The following NCOA6 variants were observed in gnomAD, a reference collection of about 807,000 sequenced individuals.
The protein encoded by NCOA6 is NRC RAP250.
In NCOA6, 49 loss-of-function variants were observed where a neutral mutation model predicts 171.4. The ratio of observed to expected loss-of-function variants is 0.29; its 90% CI spans 0.23 to 0.36. The LOEUF (loss-of-function observed/expected upper bound fraction) is 0.36. NCOA6 is among the 10% of genes least tolerant of loss of function. The pLI, the probability that NCOA6 is intolerant of heterozygous loss-of-function variation, is 1.00. For synonymous variants in NCOA6, 910 were observed against 927.5 expected (o/e 0.98, Z 0.34); for missense variants, 2,248 against 2,554.5 (o/e 0.88, Z 2.59).
chr20:34,737,557 A>C (rs773182933), intron 11 of NCOA6, among the ~76,000 whole-genome samples: 21 of 152,226 alleles, frequency 1.4e-4, no homozygotes, highest in Non-Finnish European at 2.6e-4. Context: ...TAAAGGGAGA[A>C]ACATCAGAAT....
chr20:34,801,408 G>C (rs756526568), intron 1 of NCOA6, among the ~76,000 whole-genome samples: 1 of 152,106 alleles, frequency 6.6e-6, no homozygotes, highest in African/African-American at 2.4e-5. Flanking sequence ...GAAATGAAAA[G>C]CTGCCTTTTT....
In NCOA6 at chr20:34,741,602, TGTGAG is replaced by T; in HGVS notation, c.4649_4653del (p.Pro1550GlnfsTer2). On this transcript the variant is annotated frameshift_variant, in exon 11 of 15. Coordinates refer to ENST00000359003, the MANE Select transcript of NCOA6 (RefSeq NM_014071.5). LOFTEE classifies it high-confidence loss of function. ...ACAAGGGATGAACACAGCTCATTAC[TGTGAG>T]GTAAGTTTAGGGAATTAGAAGGTTC... 1 of 1,614,204 alleles carries T rather than the reference TGTGAG, an allele frequency of 6.2e-7. No individual in the cohort carries two copies. Among genetic ancestry groups the T allele is most frequent in the South Asian group, 1.1e-5 (1 of 91,084 alleles).
At chr20:34,760,197 A>G (rs2076775117) in intron 5 of NCOA6, among the ~76,000 whole-genome samples, 1 of 152,226 alleles carries the variant, frequency 6.6e-6, no homozygotes, top group Non-Finnish European at 1.5e-5. Context: ...GGATCACTTG[A>G]GCCCAAGAGT....
chr20:34,778,693 TGGG>T lies in NCOA6; in HGVS notation c.236-2248_236-2246del, dbSNP rs1272028312. 2.0e-5 allele frequency among the ~76,000 whole-genome samples: 3 copies of T among 152,080 alleles called. No individual in the cohort carries two copies. In the East Asian group the frequency reaches 5.8e-4, roughly 29 times the overall value. On this transcript the variant is annotated intron_variant, in intron 3 of 14. Transcript: ENST00000359003. ...CACCTGCCTCGGCCTCCCAAAGTGCTGGGATTGCAGGCATGAGCCACCACACCC... is the reference window on the plus strand; with the variant it reads ...CACCTGCCTCGGCCTCCCAAAGTGCTATTGCAGGCATGAGCCACCACACCC...
At chr20:34,768,358 T>C (rs1272280142) in intron 5 of NCOA6, 106 bp downstream of exon 5, 9 of 1,391,752 alleles carry the variant, frequency 6.5e-6, no homozygotes, top group East Asian at 2.3e-5. Flanking sequence ...CAAATAGAGA[T>C]GTTAAGTATG....
intron 1 of NCOA6, chr20:34,821,620 C>T: frequency 6.6e-6 from 1 of 151,050 alleles, no homozygotes; most frequent in East Asian, 1.9e-4. Flanking sequence ...CGGAGTCACG[C>T]TCTGTTGCCT....
chr20:34,729,704 G>A (rs1344406037), intron 13 of NCOA6, among the ~76,000 whole-genome samples: 1 of 152,058 alleles, frequency 6.6e-6, no homozygotes, highest in East Asian at 1.9e-4. Context: ...ATTGTACATC[G>A]TGTTCTATTT....
At chr20:34,814,577 C>A (rs760362942) in intron 1 of NCOA6, among the ~76,000 whole-genome samples, 15 of 151,964 alleles carry the variant, frequency 9.9e-5, no homozygotes, top group Admixed American at 4.6e-4. Flanking sequence ...TATGTACTTG[C>A]GGTATTTAAA....
intron 14 of NCOA6, among the ~76,000 whole-genome samples, chr20:34,717,034 T>C (rs1988689835): frequency 6.6e-6 from 1 of 152,222 alleles, no homozygotes; most frequent in South Asian, 2.1e-4. Context: ...GCATGTTAGG[T>C]TGTATTCAAG....
chr20:34,757,281 G>T lies in NCOA6; in HGVS notation c.1467C>A (p.Phe489Leu). The T allele has an allele frequency of 6.2e-7, 1 of 1,613,034 alleles. No homozygotes were observed. The highest frequency in any genetic ancestry group is 8.5e-7 in the Non-Finnish European group (1 of 1,179,400). The part of the protein sequence containing the change: ...MVQQGNVPPN[F>L]MVMQQQPPNQ... ...TTGGTGGTTGCTGCTGCATCACCAT[G>T]AAGTTAGGTGGCACATTTCCCTGTT... is the stretch of plus-strand genomic sequence containing the variant. The change falls in exon 7 of 15, where the codon TTC (phenylalanine) becomes TTA (leucine). Residue 489 changes from phenylalanine to leucine, a missense_variant. Physicochemically the swap from Phe to Leu is conservative, Grantham distance 22. This residue lies in a region of NCOA6 where 987 missense variants were observed against 1,104.7 expected (regional missense o/e 0.89). Coordinates refer to ENST00000359003, the MANE Select transcript of NCOA6 (RefSeq NM_014071.5).
At chr20:34,749,016 T>C (rs1483382867) in intron 9 of NCOA6, among the ~76,000 whole-genome samples, 1 of 152,170 alleles carries the variant, frequency 6.6e-6, no homozygotes, top group Non-Finnish European at 1.5e-5. Context: ...TTGCAACATA[T>C]GAATCTTGTT....
At chr20:34,732,895 A>C in intron 12 of NCOA6, 2 of 234,238 alleles carry the variant, frequency 8.5e-6, no homozygotes. Context: ...GGTTAGCAAA[A>C]TAAGTCTCTT....
chr20:34,805,978 G>A lies in NCOA6; in HGVS notation c.-163-13415C>T, dbSNP rs776136733. Among the ~76,000 whole-genome samples, 9 of 152,112 alleles carry A rather than the reference G, an allele frequency of 5.9e-5. No individual in the cohort carries two copies. The South Asian group carries it at 8.3e-4, about 14-fold the overall frequency. On this transcript the variant is annotated intron_variant, in intron 1 of 14. Transcript: ENST00000359003. ...TGGGATTACAGGCGTGAGCCACTGCGCCCAGCCCTCTTTTTGGCTTTTCAA... is the reference window on the plus strand; with the variant it reads ...TGGGATTACAGGCGTGAGCCACTGCACCCAGCCCTCTTTTTGGCTTTTCAA...
chr20:34,718,498 T>TG (rs1347770915), intron 14 of NCOA6, among the ~76,000 whole-genome samples: 1 of 151,796 alleles, frequency 6.6e-6, no homozygotes, highest in East Asian at 1.9e-4. Flanking sequence ...TTTTTTGAGA[T>TG]GGAGTCTTGC....
intron 12 of NCOA6, among the ~76,000 whole-genome samples, chr20:34,734,509 A>C (rs1276798683): frequency 6.6e-6 from 1 of 151,710 alleles, no homozygotes; most frequent in Admixed American, 6.6e-5. Context: ...AAGCCCAACT[A>C]ATTTTTAAAA....
chr20:34,779,154 T>C (rs1439150082), intron 3 of NCOA6, among the ~76,000 whole-genome samples: 1 of 151,736 alleles, frequency 6.6e-6, no homozygotes, highest in African/African-American at 2.4e-5. Flanking sequence ...ATTGAGGAGG[T>C]ATTATTAATT....
At chr20:34,773,071 T>C (rs1470033683) in intron 4 of NCOA6, among the ~76,000 whole-genome samples, 1 of 152,196 alleles carries the variant, frequency 6.6e-6, no homozygotes, top group East Asian at 1.9e-4. Context: ...GTGGGCCAAA[T>C]GCAGCCCACT....
At chr20:34,775,305 GGTGT>G (rs112658298) in intron 4 of NCOA6, among the ~76,000 whole-genome samples, 24 of 148,302 alleles carry the variant, frequency 1.6e-4, no homozygotes, top group African/African-American at 3.7e-4. Flanking sequence ...TAGGGGTGTA[GGTGT>G]GTGTGTGTGT....
chr20:34,741,352 C>T lies in NCOA6; in HGVS notation c.4904G>A (p.Gly1635Asp). ...MSTVVTMPNA[G>D]SKVMVSEGQS... ...TCCCTCAGAAACCATAACCTTGCTA[C>T]CCGCATTGGGCATTGTGACAACTGT... Residue 1635 changes from glycine (G) to aspartate (D), a missense_variant, in exon 11 of 15, where the codon GGT (glycine) becomes GAT (aspartate). Physicochemically the swap from Gly to Asp is moderately conservative, Grantham distance 94. Coordinates refer to ENST00000359003, the MANE Select transcript of NCOA6 (RefSeq NM_014071.5). The T allele has an allele frequency of 6.2e-7, 1 of 1,614,210 alleles. No individual in the cohort carries two copies. Among genetic ancestry groups the T allele is most frequent in the African/African-American group, 1.3e-5 (1 of 75,052 alleles).
Sources: gnomAD v4.1 joint callset for allele counts (sites outside exome capture counted in the v4.1 genomes callset) on GRCh38, gnomAD v4.1.1 for gene constraint, gnomAD v4.1.1 regional missense constraint, MANE v1.5 for transcripts, NCBI Gene and HGNC (gene_info 2026-07-23, HGNC 2026-07-21) for gene names.